The following RAE1 variants were observed in gnomAD, a reference collection of about 807,000 sequenced individuals.
The protein encoded by RAE1 is mRNA export factor RAE1.
In RAE1, 13 loss-of-function variants were observed where a neutral mutation model predicts 52.7. That is an observed-to-expected ratio of 0.25 (90% CI 0.16 to 0.39). RAE1 has a LOEUF of 0.39. Ranked by LOEUF, RAE1 falls within the 10% of genes least tolerant of loss-of-function variation. RAE1 has a pLI of 1.00. For missense variants in RAE1, 262 were observed against 459.8 expected (o/e 0.57, Z 3.93); for synonymous variants, 164 against 153.1 (o/e 1.07, Z -0.52).
rs1234735420 is a variant in RAE1, at chr20:57,368,756, C to G, written c.586C>G (p.Gln196Glu). 2 of 1,613,676 alleles carry G rather than the reference C, an allele frequency of 1.2e-6. No individual in the cohort carries two copies. Among genetic ancestry groups the G allele is most frequent in the Non-Finnish European group, 8.5e-7 (1 of 1,179,926 alleles). Residue 196 changes from glutamine to glutamate, a missense_variant, in exon 8 of 12, where the codon CAG (glutamine) becomes GAG (glutamate). Gln to Glu is a conservative substitution (Grantham distance 29). Transcript: ENST00000395841. The stretch of plus-strand genomic sequence containing the variant: ...TGCAGAGAGGGGCCTGATTGTCTAT[C>G]AGCTAGAGAATCAACCTTCTGAATT... The part of the protein sequence containing the change: ...ATAERGLIVY[Q>E]LENQPSEFRR...
intron 8 of RAE1, 88 bp downstream of exon 8, chr20:57,368,900 T>C: frequency 9.3e-7 from 1 of 1,075,426 alleles, no homozygotes; most frequent in Admixed American, 2.0e-5. Flanking sequence ...TTGTACTTTG[T>C]AAAACCTGTA....
intron 8 of RAE1, among the ~76,000 whole-genome samples, chr20:57,370,504 G>A (rs529243187): frequency 2.6e-5 from 4 of 152,204 alleles, no homozygotes; most frequent in African/African-American, 9.6e-5. Context: ...GCTCAGCCAC[G>A]CCCTGTGGAC....
chr20:57,351,299 G>C lies in RAE1; in HGVS notation c.-131G>C. ...CAGTTTCTACCGCAGGCTTAAGGAG[G>C]CTTCGGGCTCCTGGGATTTCTGTCC... On this transcript the variant is annotated 5_prime_UTR_variant, in exon 1 of 12. Coordinates refer to ENST00000395841, the MANE Select transcript of RAE1 (RefSeq NM_003610.4). The C allele has an allele frequency of 4.1e-6, 4 of 985,458 alleles. No homozygotes were observed. The highest frequency in any genetic ancestry group is 4.8e-6 in the Non-Finnish European group (4 of 829,930). The allele number at this position is 985,458 out of a possible 1,614,324, so 61.0% of individuals were successfully genotyped here.
At chr20:57,353,600 C>A (rs1226928744) in intron 1 of RAE1, among the ~76,000 whole-genome samples, 3 of 152,222 alleles carry the variant, frequency 2.0e-5, no homozygotes, top group Non-Finnish European at 4.4e-5. Flanking sequence ...AGTGAATGCC[C>A]ACTAGGTGGA....
chr20:57,374,657 A>G lies in RAE1; in HGVS notation c.876A>G (p.Gly292=). 1 of 1,614,200 alleles carries G rather than the reference A, an allele frequency of 6.2e-7. No homozygotes were observed. Among genetic ancestry groups the G allele is most frequent in the Non-Finnish European group, 8.5e-7 (1 of 1,180,038 alleles). ...TTCATGGCACCCTTGCAACTGTGGG[A>G]TCTGATGGTAGATTCAGCTTCTGGG... The part of the protein sequence containing the change: ...HPVHGTLATV[G]SDGRFSFWDK... Residue 292 remains glycine (G), a synonymous_variant, in exon 11 of 12, where the codon GGA becomes GGG. Transcript: ENST00000395841.
chr20:57,355,016 A>G (rs1247401498), intron 3 of RAE1, among the ~76,000 whole-genome samples, 200 bp downstream of exon 3: 1 of 152,200 alleles, frequency 6.6e-6, no homozygotes, highest in Non-Finnish European at 1.5e-5. Flanking sequence ...AAGCACAATC[A>G]TATGTGTTGC....
chr20:57,373,391 T>C lies in RAE1; in HGVS notation c.643-84T>C, dbSNP rs2067064537. The C allele has an allele frequency of 3.0e-6, 4 of 1,334,694 alleles. 1 individual carries two copies. Among genetic ancestry groups the C allele is most frequent in the Non-Finnish European group, 4.2e-6 (4 of 946,566 alleles). The allele number at this position is 1,334,694 out of a possible 1,614,324, so 82.7% of individuals were successfully genotyped here. A position where few individuals can be genotyped will look rare whatever the true frequency, so the allele number is the denominator to read the frequency against. ...TTCTGGTTCTTCTAAAACCTAAACA[T>C]GGGGTAAAAATGACTTACCTTCACG... On this transcript the variant is annotated intron_variant, in intron 8 of 11. Coordinates refer to ENST00000395841, the MANE Select transcript of RAE1 (RefSeq NM_003610.4).
chr20:57,373,162 C>T (rs993776404), intron 8 of RAE1: 28 of 353,846 alleles, frequency 7.9e-5, no homozygotes, highest in Middle Eastern at 9.0e-4. Flanking sequence ...CTCCATTCCC[C>T]ACAGGCAGGG....
chr20:57,373,660 C>T lies in RAE1; in HGVS notation c.750-3C>T. 6.2e-7 allele frequency: 1 copy of T among 1,614,028 alleles called. No homozygotes were observed. The highest frequency in any genetic ancestry group is 8.5e-7 in the Non-Finnish European group (1 of 1,179,880). On this transcript the variant is annotated splice_polypyrimidine_tract_variant and splice_region_variant and intron_variant, in intron 9 of 11. Coordinates refer to ENST00000395841, the MANE Select transcript of RAE1 (RefSeq NM_003610.4). ...AAGACTTACATGAACCTTTGTCTTTCAGCGCCAAAGATAACTTCACCTTTA... is the reference window on the plus strand; with the variant it reads ...AAGACTTACATGAACCTTTGTCTTTTAGCGCCAAAGATAACTTCACCTTTA...
At position 57,368,768 on chromosome 20, in the gene RAE1, C is replaced by G; in HGVS notation, c.598C>G (p.Gln200Glu). ...CCTGATTGTCTATCAGCTAGAGAATCAACCTTCTGAATTCAGGAGGATAGA... is the reference window on the plus strand; with the variant it reads ...CCTGATTGTCTATCAGCTAGAGAATGAACCTTCTGAATTCAGGAGGATAGA... ...RGLIVYQLEN[Q>E]PSEFRRIESP... is the part of the protein sequence containing the mutation. The change falls in exon 8 of 12, where the codon CAA becomes GAA. Residue 200 changes from glutamine to glutamate, a missense_variant. Coordinates refer to ENST00000395841, the MANE Select transcript of RAE1 (RefSeq NM_003610.4). The G allele has an allele frequency of 6.2e-7, 1 of 1,613,654 alleles. No individual in the cohort carries two copies. Among genetic ancestry groups the G allele is most frequent in the Non-Finnish European group, 8.5e-7 (1 of 1,179,872 alleles).
chr20:57,365,851 G>A (rs1275283438), intron 5 of RAE1, among the ~76,000 whole-genome samples: 1 of 152,196 alleles, frequency 6.6e-6, no homozygotes, highest in Non-Finnish European at 1.5e-5. Context: ...ATAGAGCAGC[G>A]AGTAAGAGGG....
At position 57,365,528 on chromosome 20, in the gene RAE1, T is replaced by G. The variant is rs1293742940; in HGVS notation, c.375+86T>G. The G allele has an allele frequency of 4.1e-6, 4 of 969,762 alleles. No homozygotes were observed. The East Asian group carries it at 1.1e-4, about 28-fold the overall frequency. The allele number at this position is 969,762 out of a possible 1,614,324, so 60.1% of individuals were successfully genotyped here. A position where few individuals can be genotyped will look rare whatever the true frequency, so the allele number is the denominator to read the frequency against. On this transcript the variant is annotated intron_variant, in intron 5 of 11. Transcript: ENST00000395841. ...TTAAGTGAAATAATTATTATAATTA[T>G]AATAAGAAAACGTGCAGTTAGACTC...
chr20:57,357,426 C>T (rs2066806866), intron 4 of RAE1: 1 of 151,998 alleles, frequency 6.6e-6, no homozygotes, highest in Non-Finnish European at 1.5e-5. Flanking sequence ...GATATATTTC[C>T]TATGTTTGGG....
chr20:57,373,630 A>G (rs867520182), intron 9 of RAE1, 33 bp from the exon 10 acceptor site: 1 of 1,613,518 alleles, frequency 6.2e-7, no homozygotes, highest in African/African-American at 1.3e-5. Context: ...TTTTTTTAAC[A>G]AAGGAAGACT....
intron 4 of RAE1, among the ~76,000 whole-genome samples, chr20:57,360,490 A>G (rs1337918682): frequency 2.0e-5 from 3 of 152,218 alleles, no homozygotes; most frequent in Non-Finnish European, 4.4e-5. Context: ...AAGCACCACC[A>G]AGTCCTTTGA....
intron 4 of RAE1, chr20:57,358,762 C>G (rs183391348): frequency 1.0e-5 from 4 of 388,978 alleles, no homozygotes; most frequent in Non-Finnish European, 1.8e-5. Flanking sequence ...TAACTTACTC[C>G]GTTTATCAAA....
chr20:57,375,861 CA>C (rs1412794447), intron 11 of RAE1, among the ~76,000 whole-genome samples: 1 of 152,228 alleles, frequency 6.6e-6, no homozygotes, highest in Non-Finnish European at 1.5e-5. Flanking sequence ...GCTTCTTGGC[CA>C]TGTCCTGGTT....
At chr20:57,374,934 T>A in intron 11 of RAE1, 133 bp downstream of exon 11, 1 of 968,370 alleles carries the variant, frequency 1.0e-6, no homozygotes. Context: ...GTCCCCTCCC[T>A]GTAAGGGGAA....
At position 57,354,790 on chromosome 20, in the gene RAE1, C is replaced by G; in HGVS notation, c.169C>G (p.Leu57Val). The change falls in exon 3 of 12, where the codon CTT (leucine) becomes GTT (valine). Residue 57 changes from leucine to valine, a missense_variant. By Grantham distance (32) the Leu-to-Val change is conservative (BLOSUM62 1). Transcript: ENST00000395841. The part of the protein sequence containing the change: ...FSPPTLPGNF[L>V]IAGSWANDVR... ...CCCACCAACCTTGCCGGGGAACTTT[C>G]TTATTGCAGGATCATGGGCTAATGA... 1 of 1,603,964 alleles carries G rather than the reference C, an allele frequency of 6.2e-7. No individual in the cohort carries two copies.
Sources: allele counts gnomAD v4.1 joint callset (sites outside exome capture counted in the v4.1 genomes callset), GRCh38; gene constraint gnomAD v4.1.1; transcripts MANE v1.5; gene names NCBI Gene and HGNC (gene_info 2026-07-23, HGNC 2026-07-21).